The following SLC45A1 variants were observed in gnomAD, a reference collection of about 807,000 sequenced individuals.
SLC45A1 encodes the protein solute carrier family 45 member 1.
A neutral mutation model predicts 57.6 loss-of-function variants in SLC45A1; 28 were observed. The observed-to-expected ratio is 0.49, with a 90% CI of 0.36 to 0.67. The LOEUF is 0.67. Ranked by LOEUF, SLC45A1 falls within the 30% of genes least tolerant of loss-of-function variation. SLC45A1 has a pLI of 0.00. For synonymous variants in SLC45A1, 459 were observed against 471.5 expected, an observed-to-expected ratio of 0.97 and a Z score of 0.34; for missense variants, 814 against 1,041.5, an observed-to-expected ratio of 0.78 and a Z score of 3.01.
Position 8,343,892 on chromosome 1 carries a change from T to C in SLC45A1, c.2126T>C (p.Met709Thr), listed in dbSNP as rs1159655576. ...GCCGTGGGCAGTGCCAACGGGGTGA[T>C]GTACTTCTCCAGCCTCGTGTCCTTC... ...TSAVGSANGV[M>T]YFSSLVSFLG... The change falls in exon 9 of 9, where the codon ATG becomes ACG. Residue 709 changes from methionine (M) to threonine (T), a missense_variant. Met to Thr is a moderately conservative substitution (Grantham distance 81, BLOSUM62 -1). Transcript: ENST00000471889. The surrounding 1 kb of genome is among the most constrained non-coding windows in gnomAD (Gnocchi z 7.7). 6.2e-7 allele frequency: 1 copy of C among 1,614,136 alleles called. No homozygotes were observed. The highest frequency in any genetic ancestry group is 1.7e-5 in the Admixed American group (1 of 60,020).
chr1:8,340,852 C>T (rs1053374007), intron 8 of SLC45A1, among the ~76,000 whole-genome samples: 3 of 152,032 alleles, frequency 2.0e-5, no homozygotes, highest in African/African-American at 4.8e-5. Context: ...AATCTCGTTA[C>T]GGATTATGGA....
intron 6 of SLC45A1, among the ~76,000 whole-genome samples, chr1:8,336,733 A>G (rs1640622832): frequency 6.6e-6 from 1 of 152,242 alleles, no homozygotes; most frequent in African/African-American, 2.4e-5. Flanking sequence ...TGCCATCAAA[A>G]CAAGTCTATT....
At chr1:8,318,363 C>T (rs1277127994) in intron 1 of SLC45A1, among the ~76,000 whole-genome samples, 177 bp downstream of exon 1, 2 of 152,228 alleles carry the variant, frequency 1.3e-5, no homozygotes, top group Non-Finnish European at 2.9e-5. Context: ...TCCCCCGTCT[C>T]GCCCCTCCGA....
rs981775702 is a variant in SLC45A1, at chr1:8,326,696, C to T, written c.715+654C>T. Among the ~76,000 whole-genome samples, 2 of 152,142 alleles carry T rather than the reference C, an allele frequency of 1.3e-5. No individual in the cohort carries two copies. The highest frequency in any genetic ancestry group is 2.9e-5 in the Non-Finnish European group (2 of 68,026). ...TAGACCACACAAAAAACTCTTGTTT[C>T]GGCCAGGCACAGTGGCTCATGCCTG... On this transcript the variant is annotated intron_variant, in intron 4 of 8. Coordinates refer to ENST00000471889, the MANE Select transcript of SLC45A1 (RefSeq NM_001080397.3). This position sits in a 1 kb window ranked among gnomAD's most constrained non-coding sequence, Gnocchi z 5.5.
chr1:8,330,577 A>G lies in SLC45A1; in HGVS notation c.1084A>G (p.Ser362Gly). The change falls in exon 5 of 9, where the codon AGC becomes GGC. Residue 362 changes from serine to glycine, a missense_variant. Ser to Gly is a moderately conservative substitution (Grantham distance 56). Transcript: ENST00000471889. The surrounding 1 kb of genome is among the most constrained non-coding windows in gnomAD (Gnocchi z 8.4). ...CAGGGACAGCTCCCTGACGGGCATC[A>G]GCGAGTTCGCCTCATCCTTTGGCAC... is the stretch of plus-strand genomic sequence containing the variant. The part of the protein sequence containing the change: ...ISRDSSLTGI[S>G]EFASSFGTAN... 1 of 1,613,486 alleles carries G rather than the reference A, an allele frequency of 6.2e-7. No individual in the cohort carries two copies. The highest frequency in any genetic ancestry group is 8.5e-7 in the Non-Finnish European group (1 of 1,179,982).
chr1:8,334,667 C>T (rs1423760757), intron 5 of SLC45A1, among the ~76,000 whole-genome samples: 4 of 152,134 alleles, frequency 2.6e-5, no homozygotes, highest in African/African-American at 9.7e-5. Flanking sequence ...CGCACCACTG[C>T]ACTCCAGCCC....
rs1232820332 is a variant in SLC45A1, at chr1:8,343,549, C to A, written c.1981-198C>A. On this transcript the variant is annotated intron_variant, in intron 8 of 8. Coordinates refer to ENST00000471889, the MANE Select transcript of SLC45A1 (RefSeq NM_001080397.3). The surrounding 1 kb of genome is among the most constrained non-coding windows in gnomAD (Gnocchi z 7.7). ...CCCTCTGCCCCATTAGTCATGGATT[C>A]TTTTCATTGTCGTCATCTCTCCGAA... is the stretch of plus-strand genomic sequence containing the variant. Among the ~76,000 whole-genome samples, 1 of 152,164 alleles carries A rather than the reference C, an allele frequency of 6.6e-6. No individual in the cohort carries two copies. Among genetic ancestry groups the A allele is most frequent in the African/African-American group, 2.4e-5 (1 of 41,448 alleles).
In SLC45A1 at chr1:8,325,902, G is replaced by C; in HGVS notation, c.575G>C (p.Gly192Ala). ...GACGTGACCGGGAACCACAAGTGGGGCCTGCTGCTGACCGTGTGCGGTGTG... is the reference window on the plus strand; with the variant it reads ...GACGTGACCGGGAACCACAAGTGGGCCCTGCTGCTGACCGTGTGCGGTGTG... ...LADVTGNHKW[G>A]LLLTVCGVVL... The change falls in exon 4 of 9, where the codon GGC (glycine) becomes GCC (alanine). Residue 192 changes from glycine to alanine, a missense_variant. By Grantham distance (60) the Gly-to-Ala change is moderately conservative. Coordinates refer to ENST00000471889, the MANE Select transcript of SLC45A1 (RefSeq NM_001080397.3). This position sits in a 1 kb window ranked among gnomAD's most constrained non-coding sequence, Gnocchi z 6.3. 6.2e-7 allele frequency: 1 copy of C among 1,614,054 alleles called. No individual in the cohort carries two copies. The highest frequency in any genetic ancestry group is 8.5e-7 in the Non-Finnish European group (1 of 1,180,038).
Position 8,318,129 on chromosome 1 carries a change from G to A in SLC45A1, c.-82G>A. 2.1e-6 allele frequency: 1 copy of A among 468,054 alleles called. No homozygotes were observed. The highest frequency in any genetic ancestry group is 3.9e-6 in the Non-Finnish European group (1 of 257,756). The allele number at this position is 468,054 out of a possible 1,614,324, so 29.0% of individuals were successfully genotyped here. On this transcript the variant is annotated 5_prime_UTR_variant, in exon 1 of 9. Transcript: ENST00000471889. ...GGGTGATGCTGCAGCAGCCGGGACC[G>A]CGGCCGGGCAGGCAGCAGCCCAGCG...
At chr1:8,320,653 GTC>G (rs1557556501) in intron 1 of SLC45A1, among the ~76,000 whole-genome samples, 1 of 146,330 alleles carries the variant, frequency 6.8e-6, no homozygotes, top group African/African-American at 2.6e-5. Context: ...CTGTCTGTCT[GTC>G]TGTCTCTCTC....
At chr1:8,338,861 GC>G (rs889400369) in intron 7 of SLC45A1, among the ~76,000 whole-genome samples, 31 of 152,010 alleles carry the variant, frequency 2.0e-4, no homozygotes, top group African/African-American at 7.0e-4. Flanking sequence ...TATTTTAGTT[GC>G]CCCCATCTTT....
chr1:8,330,387 G>A lies in SLC45A1; in HGVS notation c.894G>A (p.Glu298=). ...IPERPLRPPS[E]KRAAMKSPSL... ...AGAGGCCGCTGCGGCCGCCGAGTGA[G>A]AAGCGGGCAGCCATGAAGAGCCCCA... The change falls in exon 5 of 9, where the codon GAG becomes GAA. Residue 298 remains glutamate (E), a synonymous_variant. Transcript: ENST00000471889. The surrounding 1 kb of genome is among the most constrained non-coding windows in gnomAD (Gnocchi z 8.4). The A allele has an allele frequency of 6.2e-7, 1 of 1,612,692 alleles. No individual in the cohort carries two copies. Among genetic ancestry groups the A allele is most frequent in the South Asian group, 1.1e-5 (1 of 91,062 alleles).
intron 1 of SLC45A1, among the ~76,000 whole-genome samples, chr1:8,324,040 G>C (rs1361608749): frequency 6.6e-6 from 1 of 152,186 alleles, no homozygotes; most frequent in East Asian, 1.9e-4. Context: ...CCGAGCCTCT[G>C]TTTGGGGGAT....
rs778362533 is a variant in SLC45A1, at chr1:8,325,427, A to G, written c.490+37A>G. ...TGGCATGGAAATAAAATGGAGAGGAAAAAAAAAAGGCCCCAACTGCTTCCT... is the reference window on the plus strand; with the variant it reads ...TGGCATGGAAATAAAATGGAGAGGAGAAAAAAAAGGCCCCAACTGCTTCCT... On this transcript the variant is annotated intron_variant, in intron 3 of 8. Transcript: ENST00000471889. This position sits in a 1 kb window ranked among gnomAD's most constrained non-coding sequence, Gnocchi z 6.3. The G allele has an allele frequency of 5.7e-6, 8 of 1,402,730 alleles. No individual in the cohort carries two copies. The highest frequency in any genetic ancestry group is 8.0e-6 in the Non-Finnish European group (8 of 1,004,796). The allele number at this position is 1,402,730 out of a possible 1,614,324, so 86.9% of individuals were successfully genotyped here. A position where few individuals can be genotyped will look rare whatever the true frequency, so the allele number is the denominator to read the frequency against.
At chr1:8,322,874 C>A (rs897580500) in intron 1 of SLC45A1, among the ~76,000 whole-genome samples, 1 of 152,114 alleles carries the variant, frequency 6.6e-6, no homozygotes, top group Non-Finnish European at 1.5e-5. Flanking sequence ...ATCCTGGAAC[C>A]CCCCACCCCC....
At chr1:8,329,694 C>G (rs745888252) in intron 4 of SLC45A1, among the ~76,000 whole-genome samples, 1 of 152,214 alleles carries the variant, frequency 6.6e-6, no homozygotes, top group Admixed American at 6.5e-5. Flanking sequence ...GCTCAGAGAT[C>G]GGAGAGCTGC....
At chr1:8,332,167 GGCATAGTGT>G (rs1171356618) in intron 5 of SLC45A1, among the ~76,000 whole-genome samples, 22 of 152,234 alleles carry the variant, frequency 1.4e-4, no homozygotes, top group African/African-American at 4.6e-4. Flanking sequence ...GTTTCTTAGA[GGCATAGTGT>G]GCACCCCACT....
chr1:8,337,975 G>T lies in SLC45A1; in HGVS notation c.1757G>T (p.Ser586Ile). 2 of 1,614,084 alleles carry T rather than the reference G, an allele frequency of 1.2e-6. No individual in the cohort carries two copies. The highest frequency in any genetic ancestry group is 1.7e-6 in the Non-Finnish European group (2 of 1,180,008). The stretch of plus-strand genomic sequence containing the variant: ...TGGGGCATGTGTATCTACGCCTTCA[G>T]TGCTGCCTTCTACTCAGGTACCCGC... ...GCWGMCIYAF[S>I]AAFYSAILEK... Residue 586 changes from serine (S) to isoleucine (I), a missense_variant, in exon 7 of 9, where the codon AGT becomes ATT. Physicochemically the swap from Ser to Ile is moderately radical, Grantham distance 142 (BLOSUM62 -2). Coordinates refer to ENST00000471889, the MANE Select transcript of SLC45A1 (RefSeq NM_001080397.3).
At chr1:8,320,690 TCTACACACACACACACACAC>T (rs1372409475) in intron 1 of SLC45A1, among the ~76,000 whole-genome samples, 15 of 130,296 alleles carry the variant, frequency 1.2e-4, no homozygotes, top group South Asian at 2.6e-4. Flanking sequence ...TCTCTCTCTC[TCTACACACACACACACACAC>T]ACACACACAC....
Sources: allele counts gnomAD v4.1 joint callset (sites outside exome capture counted in the v4.1 genomes callset), GRCh38; gene constraint gnomAD v4.1.1; non-coding constraint Gnocchi (gnomAD v3.1); transcripts MANE v1.5; gene names NCBI Gene and HGNC (gene_info 2026-07-23, HGNC 2026-07-21).